Variants in DPH6 observed in about 807,000 individuals in gnomAD.
DPH6 encodes the protein diphthine--ammonia ligase.
DPH6 carries 33 observed loss-of-function variants against 38.2 expected under a neutral mutation model. That is an observed-to-expected ratio of 0.86 (90% CI 0.65 to 1.15). The LOEUF (loss-of-function observed/expected upper bound fraction) is 1.15. DPH6 is among the 50% of genes most tolerant of loss of function. DPH6 has a pLI of 0.00. For missense variants in DPH6, 325 were observed against 320.0 expected (o/e 1.02, Z -0.12); for synonymous variants, 108 against 103.0 (o/e 1.05, Z -0.30).
intron 3 of DPH6, among the ~76,000 whole-genome samples, chr15:35,340,163 G>A (rs1225587943): frequency 6.6e-6 from 1 of 152,066 alleles, no homozygotes; most frequent in Non-Finnish European, 1.5e-5. Context: ...ATCTTTGTTG[G>A]TTTAAAGTCT....
chr15:35,317,195 G>A (rs755661107), intron 3 of DPH6, among the ~76,000 whole-genome samples: 4 of 151,988 alleles, frequency 2.6e-5, no homozygotes, highest in Non-Finnish European at 5.9e-5. Context: ...GAAGGCGGAG[G>A]TTGCAGTGTT....
At chr15:35,520,157 GT>G in intron 3 of DPH6, 1 of 297,834 alleles carries the variant, frequency 3.4e-6, no homozygotes, top group Non-Finnish European at 4.8e-6. Flanking sequence ...AATTCCATTT[GT>G]CCCTTCTTGG....
the DPH6 span, among the ~76,000 whole-genome samples, chr15:35,211,377 A>G: frequency 6.6e-6 from 1 of 152,198 alleles, no homozygotes; most frequent in Non-Finnish European, 1.5e-5. Context: ...ACAGTCCCAT[A>G]TGCAACTCCA....
chr15:35,363,480 C>G (rs2052630778), intron 3 of DPH6, among the ~76,000 whole-genome samples: 1 of 151,988 alleles, frequency 6.6e-6, no homozygotes, highest in African/African-American at 2.4e-5. Flanking sequence ...CATGTTTTCA[C>G]ACTCTTACTT....
intron 5 of DPH6, among the ~76,000 whole-genome samples, chr15:35,441,905 A>G (rs1349993944): frequency 6.6e-6 from 1 of 152,212 alleles, no homozygotes; most frequent in Non-Finnish European, 1.5e-5. Flanking sequence ...CACATATCTA[A>G]ATGTAAGAGC....
chr15:35,298,048 T>C (rs1482848445), intron 3 of DPH6, among the ~76,000 whole-genome samples: 3 of 152,116 alleles, frequency 2.0e-5, no homozygotes, highest in Non-Finnish European at 4.4e-5. Context: ...ATTTTCTTTT[T>C]GTTTTTTTTG....
At chr15:35,422,089 ATGG>A (rs1816030264) in intron 5 of DPH6, among the ~76,000 whole-genome samples, 2 of 151,942 alleles carry the variant, frequency 1.3e-5, no homozygotes, top group African/African-American at 4.8e-5. Flanking sequence ...AAATTAAAAG[ATGG>A]TGGCACCAAG....
At chr15:35,459,380 T>C (rs2054035016) in intron 3 of DPH6, among the ~76,000 whole-genome samples, 1 of 152,206 alleles carries the variant, frequency 6.6e-6, no homozygotes, top group African/African-American at 2.4e-5. Context: ...CTCACTTTCA[T>C]AACCTCATCT....
chr15:35,422,624 GTGT>G (rs2053520134), intron 5 of DPH6, among the ~76,000 whole-genome samples: 2 of 151,882 alleles, frequency 1.3e-5, no homozygotes, highest in East Asian at 1.9e-4. Context: ...ATACAACACA[GTGT>G]TGTTAACTAT....
At chr15:35,298,657 A>C in intron 3 of DPH6, 1 of 1,310,280 alleles carries the variant, frequency 7.6e-7, no homozygotes, top group Non-Finnish European at 1.1e-6. Context: ...TCTCCACCGA[A>C]AAGGCGGTGC....
At chr15:35,205,112 CA>C in the DPH6 span, among the ~76,000 whole-genome samples, 1 of 151,884 alleles carries the variant, frequency 6.6e-6, no homozygotes, top group East Asian at 1.9e-4. Flanking sequence ...TTATTAACCA[CA>C]AAATACACGT....
chr15:35,170,738 C>G, the DPH6 span, among the ~76,000 whole-genome samples: 1 of 152,140 alleles, frequency 6.6e-6, no homozygotes, highest in Non-Finnish European at 1.5e-5. Flanking sequence ...GAGGTTCACA[C>G]AGAAGATATA....
intron 3 of DPH6, among the ~76,000 whole-genome samples, chr15:35,287,710 CCTTA>C (rs1394262580): frequency 2.0e-5 from 3 of 152,092 alleles, no homozygotes; most frequent in Non-Finnish European, 4.4e-5. Context: ...TCCTTAAACT[CCTTA>C]CTTAAATTTT....
At chr15:35,479,798 T>A (rs997803722) in intron 3 of DPH6, among the ~76,000 whole-genome samples, 3 of 152,102 alleles carry the variant, frequency 2.0e-5, no homozygotes, top group Non-Finnish European at 2.9e-5. Context: ...TATGCAAGAC[T>A]GTTAACAGAT....
chr15:35,470,362 TG>T (rs1371414282), intron 3 of DPH6, among the ~76,000 whole-genome samples: 3 of 151,594 alleles, frequency 2.0e-5, no homozygotes, highest in Non-Finnish European at 4.4e-5. Flanking sequence ...GGTCGAGGAA[TG>T]AAAAAAATGG....
downstream of DPH6, among the ~76,000 whole-genome samples, chr15:35,215,576 A>G (rs1480605633): frequency 6.6e-6 from 1 of 151,994 alleles, no homozygotes; most frequent in Non-Finnish European, 1.5e-5. Flanking sequence ...TTTTGTAGAG[A>G]TGGAGTCTTG....
chr15:35,395,767 C>T (rs1409160404), intron 6 of DPH6, among the ~76,000 whole-genome samples: 3 of 152,060 alleles, frequency 2.0e-5, no homozygotes, highest in African/African-American at 4.8e-5. Context: ...AGGGATTTAC[C>T]CCCCTCACGT....
At chr15:35,483,041 G>A (rs180776271) in intron 3 of DPH6, among the ~76,000 whole-genome samples, 16 of 151,882 alleles carry the variant, frequency 1.1e-4, no homozygotes, top group Admixed American at 5.2e-4. Context: ...TCTAACAACC[G>A]AATAAGAATA....
At chr15:35,372,711 A>T (rs1254884401) in intron 8 of DPH6, among the ~76,000 whole-genome samples, 1 of 151,796 alleles carries the variant, frequency 6.6e-6, no homozygotes, top group African/African-American at 2.4e-5. Flanking sequence ...TCATCTTGAG[A>T]TTTTTGGCAT....
Sources: allele counts gnomAD v4.1 joint callset (sites outside exome capture counted in the v4.1 genomes callset), GRCh38; gene constraint gnomAD v4.1.1; transcripts MANE v1.5; gene names NCBI Gene and HGNC (gene_info 2026-07-23, HGNC 2026-07-21).